The following TSPAN9 variants were observed in gnomAD, a reference collection of about 807,000 sequenced individuals.
The protein encoded by TSPAN9 is tetraspanin-9.
A neutral mutation model predicts 31.0 loss-of-function variants in TSPAN9; 16 were observed. The observed-to-expected ratio is 0.52, with a 90% CI of 0.35 to 0.78. The LOEUF (loss-of-function observed/expected upper bound fraction) is 0.78, where lower values mean the gene tolerates loss of function less well. TSPAN9 is among the 30% of genes least tolerant of loss of function. TSPAN9 has a pLI of 0.01. For synonymous variants in TSPAN9, 145 were observed against 121.6 expected (o/e 1.19, Z -1.27); for missense variants, 272 against 312.5 (o/e 0.87, Z 0.98).
At chr12:3,088,523 G>A (rs2098301988) in intron 2 of TSPAN9, among the ~76,000 whole-genome samples, 1 of 152,184 alleles carries the variant, frequency 6.6e-6, no homozygotes, top group Non-Finnish European at 1.5e-5. Flanking sequence ...GAGGGGGCTG[G>A]AACAACCTGT....
At chr12:3,109,311 T>TGAGA (rs1356693020) in intron 2 of TSPAN9, among the ~76,000 whole-genome samples, 1,102 of 105,328 alleles carry the variant, frequency 0.01, 4 homozygotes, top group Non-Finnish European at 0.017. Context: ...AGAGAGAGTG[T>TGAGA]GTGTGTGTGT....
intron 2 of TSPAN9, among the ~76,000 whole-genome samples, chr12:3,091,985 G>T (rs1411137538): frequency 6.6e-6 from 1 of 152,164 alleles, no homozygotes; most frequent in Non-Finnish European, 1.5e-5. Context: ...TCAGCTCACA[G>T]GTTTTATATT....
chr12:3,126,644 C>T (rs116798717), intron 2 of TSPAN9, among the ~76,000 whole-genome samples: 2 of 152,178 alleles, frequency 1.3e-5, no homozygotes, highest in African/African-American at 2.4e-5. Context: ...CCTGGGGGCT[C>T]ACACCTGTAA....
intron 2 of TSPAN9, among the ~76,000 whole-genome samples, chr12:3,177,591 C>T (rs2098356494): frequency 6.6e-6 from 1 of 152,214 alleles, no homozygotes; most frequent in Non-Finnish European, 1.5e-5. Flanking sequence ...TGCCACCATG[C>T]CCAGCTAGTT....
chr12:3,086,020 T>C (rs961107924), intron 2 of TSPAN9, among the ~76,000 whole-genome samples: 4 of 152,102 alleles, frequency 2.6e-5, no homozygotes, highest in African/African-American at 9.7e-5. Flanking sequence ...TGGTTTAAAC[T>C]CTCTTCTTCG....
chr12:3,234,128 A>C (rs559041374), intron 3 of TSPAN9, among the ~76,000 whole-genome samples: 1 of 152,200 alleles, frequency 6.6e-6, no homozygotes, highest in African/African-American at 2.4e-5. Context: ...GCCTATAAAA[A>C]AGATGAAATA....
intron 1 of TSPAN9, among the ~76,000 whole-genome samples, chr12:3,081,842 G>GCCAATATATATATA (rs2098298021): frequency 3.5e-5 from 2 of 56,418 alleles, no homozygotes; most frequent in African/African-American, 2.2e-4. Context: ...GTGTCTGTGT[G>GCCAATATATATATA]TGTATATATA....
intron 3 of TSPAN9, among the ~76,000 whole-genome samples, chr12:3,276,339 C>G (rs930314022): frequency 3.3e-5 from 5 of 152,228 alleles, no homozygotes; most frequent in Non-Finnish European, 7.3e-5. Flanking sequence ...ACTGAGGACA[C>G]TTGCACGTTT....
At chr12:3,275,102 G>A (rs1312914397) in intron 3 of TSPAN9, among the ~76,000 whole-genome samples, 2 of 152,250 alleles carry the variant, frequency 1.3e-5, no homozygotes, top group Non-Finnish European at 2.9e-5. Context: ...GATGTGGAGT[G>A]TGAAGTCAGA....
At chr12:3,230,347 C>T (rs2098390005) in intron 3 of TSPAN9, among the ~76,000 whole-genome samples, 1 of 152,128 alleles carries the variant, frequency 6.6e-6, no homozygotes, top group Non-Finnish European at 1.5e-5. Flanking sequence ...GACAGGTCTT[C>T]CTGAGGCATA....
At chr12:3,194,869 G>A (rs548461453) in intron 2 of TSPAN9, among the ~76,000 whole-genome samples, 6 of 152,318 alleles carry the variant, frequency 3.9e-5, no homozygotes, top group Non-Finnish European at 5.9e-5. Flanking sequence ...CCCCCACCAT[G>A]TGGGCCCCCT....
chr12:3,124,337 T>C (rs2098326411), intron 2 of TSPAN9, among the ~76,000 whole-genome samples: 1 of 152,242 alleles, frequency 6.6e-6, no homozygotes, highest in Non-Finnish European at 1.5e-5. Context: ...CCAAAGTAGT[T>C]ATATTTTTTC....
At position 3,242,558 on chromosome 12, in the gene TSPAN9, C is replaced by T. The variant is rs1264695905; in HGVS notation, c.64-35863C>T. On this transcript the variant is annotated intron_variant, in intron 3 of 8. Transcript: ENST00000011898. ...TGGCCAGGTGTTTCTTTCCCCTTTGCCTGCCAGCTCCCCGAGGATGGGGAC... is the reference window on the plus strand; with the variant it reads ...TGGCCAGGTGTTTCTTTCCCCTTTGTCTGCCAGCTCCCCGAGGATGGGGAC... 3.3e-5 allele frequency among the ~76,000 whole-genome samples: 5 copies of T among 152,244 alleles called. No homozygotes were observed. The East Asian group carries it at 9.6e-4, about 29-fold the overall frequency.
intron 2 of TSPAN9, among the ~76,000 whole-genome samples, chr12:3,149,596 T>C (rs574791860): frequency 5.3e-5 from 8 of 152,178 alleles, no homozygotes; most frequent in East Asian, 1.9e-4. Flanking sequence ...AAGAGTTGAT[T>C]TGAGCCCTTT....
chr12:3,262,136 C>A (rs901054908), intron 3 of TSPAN9, among the ~76,000 whole-genome samples: 7 of 152,232 alleles, frequency 4.6e-5, no homozygotes, highest in Admixed American at 2.6e-4. Flanking sequence ...TCCAGAGATG[C>A]AAAGCCGCCA....
At chr12:3,228,750 G>A (rs1474500685) in intron 3 of TSPAN9, among the ~76,000 whole-genome samples, 4 of 152,254 alleles carry the variant, frequency 2.6e-5, no homozygotes, top group Admixed American at 2.0e-4. Flanking sequence ...TGGGGCTGCT[G>A]TAACAAATTA....
chr12:3,099,840 C>CT (rs899603509), intron 2 of TSPAN9, among the ~76,000 whole-genome samples: 28,559 of 123,586 alleles, frequency 0.23, 3,717 homozygotes, highest in South Asian at 0.39. Context: ...TCTGTCCACT[C>CT]TTTTTTTTTT....
At chr12:3,095,409 G>C (rs1272649372) in intron 2 of TSPAN9, among the ~76,000 whole-genome samples, 1 of 150,204 alleles carries the variant, frequency 6.7e-6, no homozygotes, top group Admixed American at 6.6e-5. Flanking sequence ...CGGGGTGGTG[G>C]CCGGGCAGAG....
chr12:3,274,038 AG>A (rs780321052), intron 3 of TSPAN9, among the ~76,000 whole-genome samples: 3 of 151,708 alleles, frequency 2.0e-5, no homozygotes, highest in Non-Finnish European at 4.4e-5. Flanking sequence ...GTGGGGGGAT[AG>A]GGTAGGGGGC....
Sources: allele counts gnomAD v4.1 joint callset (sites outside exome capture counted in the v4.1 genomes callset), GRCh38; gene constraint gnomAD v4.1.1; transcripts MANE v1.5; gene names NCBI Gene and HGNC (gene_info 2026-07-23, HGNC 2026-07-21).